The following SLC22A23 variants were observed in gnomAD, a reference collection of about 807,000 sequenced individuals.
SLC22A23 encodes the protein ion transporter protein.
A neutral mutation model predicts 61.0 loss-of-function variants in SLC22A23; 26 were observed. That is an observed-to-expected ratio of 0.43 (90% CI 0.31 to 0.59). The LOEUF (loss-of-function observed/expected upper bound fraction) is 0.59. Among genes scored for constraint, SLC22A23 ranks in the 20% least tolerant of loss-of-function variants. SLC22A23 has a pLI of 0.11. For missense variants in SLC22A23, 796 were observed against 934.7 expected (o/e 0.85, Z 1.94); for synonymous variants, 430 against 413.9 (o/e 1.04, Z -0.47).
chr6:3,294,386 A>G (rs1005863834), intron 5 of SLC22A23, among the ~76,000 whole-genome samples: 1 of 152,214 alleles, frequency 6.6e-6, no homozygotes, highest in African/African-American at 2.4e-5. Context: ...ATGATTCTCA[A>G]AGGAAATGCT....
intron 4 of SLC22A23, among the ~76,000 whole-genome samples, chr6:3,316,877 A>G (rs1396433608): frequency 6.6e-6 from 1 of 152,058 alleles, no homozygotes; most frequent in African/African-American, 2.4e-5. Flanking sequence ...TGCTCACGTG[A>G]TCTTCCTGCC....
At chr6:3,393,777 G>T (rs1767820509) in intron 3 of SLC22A23, among the ~76,000 whole-genome samples, 1 of 152,180 alleles carries the variant, frequency 6.6e-6, no homozygotes, top group Non-Finnish European at 1.5e-5. Context: ...CTTCTCAGCG[G>T]GTAATTATTC....
chr6:3,367,413 C>T (rs953009049), intron 3 of SLC22A23, among the ~76,000 whole-genome samples: 1 of 152,186 alleles, frequency 6.6e-6, no homozygotes, highest in Non-Finnish European at 1.5e-5. Context: ...TCATCTTGGG[C>T]GTTAGCAAGC....
intron 3 of SLC22A23, among the ~76,000 whole-genome samples, chr6:3,404,861 C>T (rs1459055131): frequency 1.3e-5 from 2 of 152,002 alleles, no homozygotes; most frequent in Admixed American, 6.6e-5. Flanking sequence ...AATGTGTTTC[C>T]AGTGAAGAAA....
In SLC22A23 at chr6:3,289,754, T is replaced by C. The variant is rs376594182; in HGVS notation, c.1313+10A>G. ...TCCCACCCAGCTGGCACTTGTCCTC[T>C]GTGACTCACGAGTTCACACACAGGA... On this transcript the variant is annotated intron_variant, in intron 6 of 9. Coordinates refer to ENST00000406686, the MANE Select transcript of SLC22A23 (RefSeq NM_015482.2). 17 of 1,610,686 alleles carry C rather than the reference T, an allele frequency of 1.1e-5. No individual in the cohort carries two copies. The African/African-American group carries it at 2.1e-4, about 20-fold the overall frequency.
chr6:3,387,776 T>C lies in SLC22A23; in HGVS notation c.913+22412A>G, dbSNP rs997077073. Among the ~76,000 whole-genome samples the C allele has an allele frequency of 3.3e-5, 5 of 152,206 alleles. No homozygotes were observed. The highest frequency in any genetic ancestry group is 7.3e-5 in the Non-Finnish European group (5 of 68,048). Reference sequence around the variant, plus strand: ...AAAATATGGTGAACAAGTAAGTATATGTATATTTCATTCAAAGAGTTAACG... The same window carrying C: ...AAAATATGGTGAACAAGTAAGTATACGTATATTTCATTCAAAGAGTTAACG... On this transcript the variant is annotated intron_variant, in intron 3 of 9. Transcript: ENST00000406686. The surrounding 1 kb of genome is among the most constrained non-coding windows in gnomAD (Gnocchi z 5.0).
Position 3,330,601 on chromosome 6 carries a change from A to C in SLC22A23, c.914-6599T>G, listed in dbSNP as rs1001296356. Among the ~76,000 whole-genome samples, 1 of 152,194 alleles carries C rather than the reference A, an allele frequency of 6.6e-6. No individual in the cohort carries two copies. Among genetic ancestry groups the C allele is most frequent in the Non-Finnish European group, 1.5e-5 (1 of 68,030 alleles). ...TGGCCCCCAGAATCCTGGAAAATAG[A>C]CTTTGGGACATGTGATTGTGGAATT... On this transcript the variant is annotated intron_variant, in intron 3 of 9. Coordinates refer to ENST00000406686, the MANE Select transcript of SLC22A23 (RefSeq NM_015482.2). The surrounding 1 kb of genome is among the most constrained non-coding windows in gnomAD (Gnocchi z 4.7).
chr6:3,303,307 A>C (rs1453993559), intron 4 of SLC22A23: 1 of 152,270 alleles, frequency 6.6e-6, no homozygotes, highest in East Asian at 1.9e-4. Context: ...GGTTCCTCAA[A>C]AAACTACAAA....
At chr6:3,411,152 C>T (rs752873523) in intron 2 of SLC22A23, among the ~76,000 whole-genome samples, 3 of 152,172 alleles carry the variant, frequency 2.0e-5, no homozygotes, top group African/African-American at 4.8e-5. Flanking sequence ...GGGGAAGTCA[C>T]CAGTTCCTGT....
chr6:3,335,950 G>A (rs934880214), intron 3 of SLC22A23, among the ~76,000 whole-genome samples: 2 of 152,106 alleles, frequency 1.3e-5, no homozygotes, highest in East Asian at 3.9e-4. Flanking sequence ...TTAGCCGGGC[G>A]CGGTGGCGGG....
intron 3 of SLC22A23, among the ~76,000 whole-genome samples, chr6:3,391,662 T>C (rs1237389026): frequency 1.3e-5 from 2 of 152,168 alleles, no homozygotes; most frequent in Non-Finnish European, 2.9e-5. Context: ...TCAAGGTGTT[T>C]CCTCTAGAGT....
At chr6:3,396,649 G>C (rs998127917) in intron 3 of SLC22A23, among the ~76,000 whole-genome samples, 5 of 152,164 alleles carry the variant, frequency 3.3e-5, no homozygotes, top group Admixed American at 6.5e-5. Flanking sequence ...GAACACACAG[G>C]CGGCTGGATG....
intron 3 of SLC22A23, among the ~76,000 whole-genome samples, chr6:3,366,354 A>AG (rs1460203273): frequency 8.9e-5 from 7 of 78,406 alleles, no homozygotes; most frequent in Non-Finnish European, 1.8e-4. Context: ...AAAAAAAAAA[A>AG]AAAGAAAGAA....
chr6:3,298,690 C>T (rs945703995), intron 4 of SLC22A23, among the ~76,000 whole-genome samples: 1 of 152,004 alleles, frequency 6.6e-6, no homozygotes, highest in South Asian at 2.1e-4. Flanking sequence ...TAAATGTTCC[C>T]GGCCGGGCGC....
intron 3 of SLC22A23, among the ~76,000 whole-genome samples, chr6:3,400,704 G>A (rs944365892): frequency 2.0e-5 from 3 of 152,240 alleles, no homozygotes; most frequent in Non-Finnish European, 4.4e-5. Context: ...CTTCTCAACT[G>A]TTTCCGTGTG....
Position 3,271,509 on chromosome 6 carries a change from C to G in SLC22A23, c.*1546G>C, listed in dbSNP as rs547659627. 1.6e-4 allele frequency: 25 copies of G among 152,516 alleles called. No homozygotes were observed. Among genetic ancestry groups the G allele is most frequent in the African/African-American group, 6.0e-4 (25 of 41,584 alleles). The allele number at this position is 152,516 out of a possible 1,614,324, so 9.4% of individuals were successfully genotyped here. On this transcript the variant is annotated 3_prime_UTR_variant, in exon 10 of 10. Coordinates refer to ENST00000406686, the MANE Select transcript of SLC22A23 (RefSeq NM_015482.2). ...CAACCCCTTTTCTGCCCTGTGAATT[C>G]TAGCAACTGTCGGTTGGAAGTCACT...
At chr6:3,348,473 A>C (rs1449178884) in intron 3 of SLC22A23, among the ~76,000 whole-genome samples, 2 of 152,186 alleles carry the variant, frequency 1.3e-5, no homozygotes, top group East Asian at 3.8e-4. Context: ...TTCTTTATTT[A>C]GCAAGGCCAC....
intron 1 of SLC22A23, among the ~76,000 whole-genome samples, chr6:3,431,548 A>G (rs1457869859): frequency 6.6e-6 from 1 of 152,226 alleles, no homozygotes; most frequent in East Asian, 1.9e-4. Flanking sequence ...GAGTAGGGTC[A>G]ATCCTATCAG....
chr6:3,291,404 T>C (rs958489765), intron 5 of SLC22A23: 1 of 152,242 alleles, frequency 6.6e-6, no homozygotes, highest in African/African-American at 2.4e-5. Flanking sequence ...TATTCAAACA[T>C]TGTTTTTGAA....
Sources: gnomAD v4.1 joint callset for allele counts (sites outside exome capture counted in the v4.1 genomes callset) on GRCh38, gnomAD v4.1.1 for gene constraint, Gnocchi (gnomAD v3.1) non-coding constraint, MANE v1.5 for transcripts, NCBI Gene and HGNC (gene_info 2026-07-23, HGNC 2026-07-21) for gene names.